MLXIP: variants seen among roughly 807,000 people sequenced by gnomAD.
MLXIP encodes MLX interacting protein, also known as MLX-interacting protein.
MLXIP carries 30 observed loss-of-function variants against 87.2 expected under a neutral mutation model. That is an observed-to-expected ratio of 0.34 (90% CI 0.26 to 0.47). MLXIP has a LOEUF of 0.47. Ranked by LOEUF, MLXIP falls within the 20% of genes least tolerant of loss-of-function variation. MLXIP has a pLI of 1.00. For missense variants in MLXIP, 1,002 were observed against 1,240.1 expected (o/e 0.81, Z 2.88); for synonymous variants, 530 against 514.0 (o/e 1.03, Z -0.42).
intron 1 of MLXIP, among the ~76,000 whole-genome samples, chr12:122,126,493 A>G (rs1952883782): frequency 6.6e-6 from 1 of 152,148 alleles, no homozygotes. Flanking sequence ...GTGGAGGGCC[A>G]TCAAGAGTGA....
intron 9 of MLXIP, chr12:122,134,270 C>T (rs1038269314): frequency 3.1e-5 from 13 of 423,798 alleles, no homozygotes; most frequent in African/African-American, 2.5e-4. Flanking sequence ...TCTCGGCTCA[C>T]TGCAACCGCC....
Position 122,107,948 on chromosome 12 carries a change from G to A in MLXIP, c.414-19308G>A, listed in dbSNP as rs567650043. 5.3e-5 allele frequency among the ~76,000 whole-genome samples: 8 copies of A among 152,284 alleles called. No individual in the cohort carries two copies. In the East Asian group the frequency reaches 9.6e-4, roughly 18 times the overall value. On this transcript the variant is annotated intron_variant, in intron 1 of 16. Coordinates refer to ENST00000319080, the MANE Select transcript of MLXIP (RefSeq NM_014938.6). ...CCTCTCTGGCTCTCCCCTGGCCGGC[G>A]GTGACTAGGTGGTAATAAAAGTATC...
Position 122,137,325 on chromosome 12 carries a change from G to T in MLXIP, c.2033-144G>T. ...AGGGAGTGAATAAGAATAATCTAAG[G>T]AAGCATGTGTGTGCAGTTGAAAGAA... On this transcript the variant is annotated intron_variant, in intron 11 of 16. Coordinates refer to ENST00000319080, the MANE Select transcript of MLXIP (RefSeq NM_014938.6). The surrounding 1 kb of genome is among the most constrained non-coding windows in gnomAD (Gnocchi z 4.1). The T allele has an allele frequency of 1.3e-6, 1 of 763,184 alleles. No individual in the cohort carries two copies. Among genetic ancestry groups the T allele is most frequent in the Non-Finnish European group, 2.0e-6 (1 of 504,348 alleles). The allele number at this position is 763,184 out of a possible 1,614,324, so 47.3% of individuals were successfully genotyped here. A position where few individuals can be genotyped will look rare whatever the true frequency, so the allele number is the denominator to read the frequency against.
At chr12:122,105,095 C>T (rs1342960833) in intron 1 of MLXIP, among the ~76,000 whole-genome samples, 1 of 152,118 alleles carries the variant, frequency 6.6e-6, no homozygotes, top group African/African-American at 2.4e-5. Context: ...TTGGTGGGTG[C>T]CTCATGGGCG....
At chr12:122,131,868 G>C (rs1230278367) in intron 7 of MLXIP, among the ~76,000 whole-genome samples, 1 of 150,176 alleles carries the variant, frequency 6.7e-6, no homozygotes, top group Non-Finnish European at 1.5e-5. Flanking sequence ...GTGTAGTTGG[G>C]ACCACTGGTG....
chr12:122,110,810 G>A (rs987430329), intron 1 of MLXIP, among the ~76,000 whole-genome samples: 1 of 151,646 alleles, frequency 6.6e-6, no homozygotes, highest in Admixed American at 6.6e-5. Flanking sequence ...GGGCGCAGTG[G>A]CTCACGCCTG....
At chr12:122,097,102 A>G (rs1041612255) in intron 1 of MLXIP, among the ~76,000 whole-genome samples, 9 of 152,144 alleles carry the variant, frequency 5.9e-5, no homozygotes, top group Admixed American at 1.3e-4. Context: ...CTGTCCTAAC[A>G]CTTGCATTGT....
At chr12:122,084,991 C>T (rs1353973591) in intron 1 of MLXIP, among the ~76,000 whole-genome samples, 3 of 152,184 alleles carry the variant, frequency 2.0e-5, no homozygotes, top group Non-Finnish European at 4.4e-5. Flanking sequence ...AGAGGTTACA[C>T]AACTTGTCCA....
intron 1 of MLXIP, among the ~76,000 whole-genome samples, chr12:122,120,721 C>G (rs1250473633): frequency 1.3e-5 from 2 of 152,100 alleles, no homozygotes; most frequent in Non-Finnish European, 2.9e-5. Flanking sequence ...ACCTCCACCC[C>G]CTCTTCAGGA....
chr12:122,121,050 G>A (rs140113153), intron 1 of MLXIP, among the ~76,000 whole-genome samples: 3 of 101,456 alleles, frequency 3.0e-5, no homozygotes, highest in Non-Finnish European at 3.7e-5. Flanking sequence ...TCACTCTGTC[G>A]CCAGGCTGGA....
At chr12:122,085,534 G>A (rs1952155931) in intron 1 of MLXIP, among the ~76,000 whole-genome samples, 1 of 152,104 alleles carries the variant, frequency 6.6e-6, no homozygotes, top group Admixed American at 6.6e-5. Context: ...CTCCTGAGTA[G>A]CTGGGATTAC....
Position 122,141,859 on chromosome 12 carries a change from C to T in MLXIP, c.*47C>T, listed in dbSNP as rs1001587158. 7 of 1,606,698 alleles carry T rather than the reference C, an allele frequency of 4.4e-6. No homozygotes were observed. The highest frequency in any genetic ancestry group is 5.9e-6 in the Non-Finnish European group (7 of 1,177,430). ...GCATGAGATGCCAGGAGACCCTTCC[C>T]TGCCCATGGAGAGTAGGCTGCGCCC... On this transcript the variant is annotated 3_prime_UTR_variant, in exon 17 of 17. Transcript: ENST00000319080.
In MLXIP at chr12:122,135,598, A is replaced by T. The variant is rs1953075657; in HGVS notation, c.1964A>T (p.Asp655Val). The T allele has an allele frequency of 6.3e-7, 1 of 1,583,184 alleles. No individual in the cohort carries two copies. The change falls in exon 11 of 17, where the codon GAC (aspartate) becomes GTC (valine). Residue 655 changes from aspartate (D) to valine (V), a missense_variant. By Grantham distance (152) the Asp-to-Val change is radical (BLOSUM62 -3). This residue lies in a region of MLXIP where 746 missense variants were observed against 897.0 expected (regional missense o/e 0.83). Coordinates refer to ENST00000319080, the MANE Select transcript of MLXIP (RefSeq NM_014938.6). The surrounding 1 kb of genome is among the most constrained non-coding windows in gnomAD (Gnocchi z 5.3). The stretch of plus-strand genomic sequence containing the variant: ...CGGCTCTTCCCAAGCACAGCGCAAG[A>T]CCCCCTGGGGAAGGGCGAGCAGGTC... The part of the protein sequence containing the change: ...VSRLFPSTAQ[D>V]PLGKGEQVPL...
chr12:122,115,446 G>A (rs1443805059), intron 1 of MLXIP, among the ~76,000 whole-genome samples: 3 of 151,792 alleles, frequency 2.0e-5, no homozygotes, highest in Non-Finnish European at 4.4e-5. Context: ...AAAATTAGCT[G>A]GGCATGGTAG....
chr12:122,117,562 A>T (rs544160420), intron 1 of MLXIP, among the ~76,000 whole-genome samples: 1 of 152,354 alleles, frequency 6.6e-6, no homozygotes, highest in South Asian at 2.1e-4. Flanking sequence ...TCATATCTGG[A>T]TCTGGTGCAC....
chr12:122,110,444 C>T lies in MLXIP; in HGVS notation c.414-16812C>T, dbSNP rs147892324. Among the ~76,000 whole-genome samples the T allele has an allele frequency of 3.0e-3, 459 of 152,048 alleles. 6 individuals carry two copies. The highest frequency in any genetic ancestry group is 0.023 in the East Asian group (116 of 5,130). On this transcript the variant is annotated intron_variant, in intron 1 of 16. Transcript: ENST00000319080. ...CTGGGATTACAGGTATGTGCCACCA[C>T]GCCCGGCTAATTTTGTATTTTTAGT...
intron 1 of MLXIP, among the ~76,000 whole-genome samples, chr12:122,116,118 G>A (rs1038772588): frequency 3.3e-5 from 5 of 150,738 alleles, no homozygotes; most frequent in Non-Finnish European, 7.4e-5. Context: ...TGTAAATGAC[G>A]TGTAGTCTGT....
At chr12:122,115,144 A>G (rs796869107) in intron 1 of MLXIP, among the ~76,000 whole-genome samples, 31 of 152,256 alleles carry the variant, frequency 2.0e-4, no homozygotes, top group African/African-American at 7.0e-4. Context: ...TGTTCTTTGC[A>G]CTTTTCCTTT....
At chr12:122,130,954 G>A (rs1952967202) in intron 7 of MLXIP, 21 bp downstream of exon 7, 5 of 1,546,792 alleles carry the variant, frequency 3.2e-6, no homozygotes. Context: ...GAGGCAGAGA[G>A]AGCACGGTTG....
Sources: gnomAD v4.1 joint callset for allele counts (sites outside exome capture counted in the v4.1 genomes callset) on GRCh38, gnomAD v4.1.1 for gene constraint, gnomAD v4.1.1 regional missense constraint, Gnocchi (gnomAD v3.1) non-coding constraint, MANE v1.5 for transcripts, NCBI Gene and HGNC (gene_info 2026-07-23, HGNC 2026-07-21) for gene names.